Variants in CTBP2 observed in about 807,000 individuals in gnomAD.
CTBP2 encodes C-terminal-binding protein 2.
In CTBP2, 30 loss-of-function variants were observed where a neutral mutation model predicts 80.3. The ratio of observed to expected loss-of-function variants is 0.37; its 90% confidence interval spans 0.28 to 0.51. The LOEUF (loss-of-function observed/expected upper bound fraction) is 0.51, where lower values mean the gene tolerates loss of function less well. Ranked by LOEUF, CTBP2 falls within the 20% of genes least tolerant of loss-of-function variation. CTBP2 has a pLI of 0.93. For missense variants in CTBP2, 1,212 were observed against 1,375.3 expected (o/e 0.88, Z 1.88); for synonymous variants, 594 against 587.4 (o/e 1.01, Z -0.16).
At chr10:125,065,181 T>C (rs905905035) in intron 2 of CTBP2, among the ~76,000 whole-genome samples, 1 of 152,184 alleles carries the variant, frequency 6.6e-6, no homozygotes, top group Non-Finnish European at 1.5e-5. Context: ...AGACTGTTCT[T>C]TGACTGGGCT....
rs1178080134 is a variant in CTBP2, at chr10:125,087,092, T to G, written c.-102+23898A>C. Among the ~76,000 whole-genome samples the G allele has an allele frequency of 3.3e-3, 458 of 140,434 alleles. 1 individual carries two copies. The highest frequency in any genetic ancestry group is 4.1e-3 in the Non-Finnish European group (263 of 64,178). 92.1% of individuals were successfully genotyped at this position (140,434 alleles called of 152,430 possible). On this transcript the variant is annotated intron_variant, in intron 2 of 10. Transcript: ENST00000337195. ...ATTTCTTTCTTTTTTTTTTTTTTTT[T>G]GAGACAGAGTCTCGTTCTGTCACCC...
chr10:125,128,484 C>T (rs1319195780), intron 1 of CTBP2, among the ~76,000 whole-genome samples: 1 of 152,118 alleles, frequency 6.6e-6, no homozygotes, highest in East Asian at 1.9e-4. Context: ...GAAACAGGCC[C>T]CACCCTAATA....
intron 2 of CTBP2, among the ~76,000 whole-genome samples, chr10:125,096,447 T>C (rs774322124): frequency 6.6e-6 from 1 of 152,208 alleles, no homozygotes; most frequent in Non-Finnish European, 1.5e-5. Context: ...GACTGATCAA[T>C]ACTTCCTATT....
upstream of CTBP2, chr10:125,028,108 G>T: frequency 4.2e-6 from 1 of 239,684 alleles, no homozygotes; most frequent in Non-Finnish European, 8.0e-6. Context: ...CGGATTAGGA[G>T]CTAAATAAAA....
At chr10:125,048,543 G>A (rs776462605) in intron 2 of CTBP2, among the ~76,000 whole-genome samples, 1 of 152,182 alleles carries the variant, frequency 6.6e-6, no homozygotes, top group African/African-American at 2.4e-5. Context: ...TTTATCTCCC[G>A]AGACGCTAGC....
At chr10:125,114,552 A>C (rs1040906700) in intron 1 of CTBP2, among the ~76,000 whole-genome samples, 4 of 152,088 alleles carry the variant, frequency 2.6e-5, no homozygotes, top group African/African-American at 4.8e-5. Context: ...TTTTGTTCTT[A>C]TACTAAGTCA....
At chr10:125,110,563 G>A (rs765898565) in intron 2 of CTBP2, among the ~76,000 whole-genome samples, 10 of 152,136 alleles carry the variant, frequency 6.6e-5, no homozygotes, top group Admixed American at 1.3e-4. Flanking sequence ...TCCACAAGCC[G>A]CCTTCTTCCT....
chr10:125,045,437 A>G (rs372931936), intron 2 of CTBP2, among the ~76,000 whole-genome samples: 151 of 152,202 alleles, frequency 9.9e-4, no homozygotes, highest in African/African-American at 3.3e-3. Context: ...CTTCCTATAC[A>G]CTACCAATAA....
intron 1 of CTBP2, among the ~76,000 whole-genome samples, chr10:125,112,069 T>C (rs1480469302): frequency 2.0e-5 from 3 of 150,106 alleles, no homozygotes; most frequent in Non-Finnish European, 4.4e-5. Context: ...ATGGTTAATA[T>C]ACAAAAAGGC....
At position 125,026,250 on chromosome 10, in the gene CTBP2, T is replaced by C; in HGVS notation, c.1510A>G (p.Ser504Gly). ...AAGACCTGGGGGCTGCCGTGAGGGC[T>C]GGGCAGCGGAGAGGCGGCCACGTTG... Residue 504 changes from serine to glycine, a missense_variant, in exon 1 of 9, where the codon AGC becomes GGC. Around this residue, in one of 3 missense-constraint regions of CTBP2, gnomAD observed 848 missense variants for 782.3 expected, o/e 1.08. Coordinates refer to ENST00000309035, the MANE Select transcript of CTBP2 (RefSeq NM_022802.3). 6.2e-7 allele frequency: 1 copy of C among 1,613,860 alleles called. No individual in the cohort carries two copies. The highest frequency in any genetic ancestry group is 8.5e-7 in the Non-Finnish European group (1 of 1,179,938).
At chr10:124,997,898 G>C in intron 4 of CTBP2, 66 bp downstream of exon 6, 2 of 1,528,892 alleles carry the variant, frequency 1.3e-6, no homozygotes, top group East Asian at 4.5e-5. Flanking sequence ...CCTTTCCCGA[G>C]GGGTCCCCAC....
intron 2 of CTBP2, among the ~76,000 whole-genome samples, chr10:125,081,478 T>C (rs186981231): frequency 6.6e-6 from 1 of 152,232 alleles, no homozygotes; most frequent in Non-Finnish European, 1.5e-5. Context: ...TTTAGCCTTA[T>C]ATATTTGCAA....
chr10:125,127,909 C>T (rs930503824), intron 1 of CTBP2, among the ~76,000 whole-genome samples: 11 of 152,300 alleles, frequency 7.2e-5, no homozygotes, highest in East Asian at 1.9e-4. Flanking sequence ...ACCCCTATTA[C>T]GGCATCCTAT....
chr10:125,162,405 GC>G (rs1861949674), upstream of CTBP2: 1 of 152,280 alleles, frequency 6.6e-6, no homozygotes. Flanking sequence ...GTTGCTCCAG[GC>G]CTCCCAGTCT....
upstream of CTBP2, among the ~76,000 whole-genome samples, chr10:125,030,962 C>T (rs1460677748): frequency 6.6e-6 from 1 of 152,206 alleles, no homozygotes; most frequent in Non-Finnish European, 1.5e-5. Context: ...GGAGGCTCTT[C>T]AGCGCCTGCT....
intron 8 of CTBP2, among the ~76,000 whole-genome samples, chr10:124,992,146 A>G (rs1417942805): frequency 3.3e-5 from 5 of 149,702 alleles, no homozygotes. Context: ...TGGAAAATGA[A>G]CTTGCTCACA....
chr10:125,036,680 T>G (rs1462423551), intron 3 of CTBP2, among the ~76,000 whole-genome samples: 6 of 47,086 alleles, frequency 1.3e-4, no homozygotes, highest in East Asian at 4.6e-4. Context: ...TGTGTGTGTG[T>G]GTGTGTGTGT....
rs1377084551 is a variant in CTBP2 at position 124,989,593 on chromosome 10, T to G, written c.2883A>C (p.Ala961=). ...TGGGAGAGGGCGCTTGGGAAGGATG[T>G]GCCACTGTCGGGAGGTTGTGAGTCA... Residue 961 remains alanine, a synonymous_variant, in exon 9 of 9, where the codon GCA becomes GCC. Coordinates refer to ENST00000309035, the MANE Select transcript of CTBP2 (RefSeq NM_022802.3). 1 of 1,613,544 alleles carries G rather than the reference T, an allele frequency of 6.2e-7. No individual in the cohort carries two copies. Among genetic ancestry groups the G allele is most frequent in the East Asian group, 2.2e-5 (1 of 44,888 alleles).
upstream of CTBP2, chr10:125,160,965 A>G (rs1861832338): frequency 6.6e-6 from 1 of 150,912 alleles, no homozygotes; most frequent in African/African-American, 2.4e-5. Context: ...AGGAAAGGAA[A>G]GAAGCGGCGC....
Sources: allele counts gnomAD v4.1 joint callset (sites outside exome capture counted in the v4.1 genomes callset), GRCh38; gene constraint gnomAD v4.1.1; regional missense constraint gnomAD v4.1.1; transcripts MANE v1.5; gene names NCBI Gene and HGNC (gene_info 2026-07-23, HGNC 2026-07-21).